Variants in DTNBP1 observed in about 807,000 individuals in gnomAD.
DTNBP1 encodes the protein dysbindin.
In DTNBP1, 35 loss-of-function variants were observed where a neutral mutation model predicts 42.8. The observed-to-expected ratio is 0.82, with a 90% CI of 0.63 to 1.09. The LOEUF (loss-of-function observed/expected upper bound fraction) is 1.09, where lower values mean the gene tolerates loss of function less well. DTNBP1 is among the 50% of genes least tolerant of loss of function. DTNBP1 has a pLI of 0.00. For missense variants in DTNBP1, 457 were observed against 424.2 expected, an observed-to-expected ratio of 1.08 and a Z score of -0.68; for synonymous variants, 171 against 162.2, an observed-to-expected ratio of 1.05 and a Z score of -0.41.
intron 4 of DTNBP1, among the ~76,000 whole-genome samples, chr6:15,633,672 T>C (rs1759825003): frequency 6.6e-6 from 1 of 152,288 alleles, no homozygotes; most frequent in African/African-American, 2.4e-5. Flanking sequence ...TACAGAGGAA[T>C]CTTTTGTGAA....
chr6:15,564,032 C>T (rs1396595123), intron 7 of DTNBP1, among the ~76,000 whole-genome samples: 1 of 151,080 alleles, frequency 6.6e-6, no homozygotes, highest in Non-Finnish European at 1.5e-5. Flanking sequence ...TGAGGTCATG[C>T]CACCGTACTC....
intron 7 of DTNBP1, among the ~76,000 whole-genome samples, chr6:15,536,313 G>A (rs1659112193): frequency 6.6e-6 from 1 of 152,248 alleles, no homozygotes; most frequent in South Asian, 2.1e-4. Flanking sequence ...TTTGGCAGCA[G>A]CCTCTCCCAT....
At chr6:15,524,137 A>G in intron 9 of DTNBP1, 2 of 1,383,692 alleles carry the variant, frequency 1.4e-6, no homozygotes, top group Non-Finnish European at 1.9e-6. Context: ...ACGCCCCTAA[A>G]TGCCTGTCGC....
intron 6 of DTNBP1, among the ~76,000 whole-genome samples, chr6:15,594,939 CAAGG>C (rs1776448478): frequency 6.6e-6 from 1 of 152,132 alleles, no homozygotes; most frequent in South Asian, 2.1e-4. Context: ...ACCATAAAAA[CAAGG>C]AATCCAGCAA....
At chr6:15,552,078 G>A (rs760739490) in intron 7 of DTNBP1, among the ~76,000 whole-genome samples, 15 of 152,186 alleles carry the variant, frequency 9.9e-5, no homozygotes, top group Non-Finnish European at 1.8e-4. Context: ...GCTACAAGGG[G>A]CTCTCAGGAA....
At chr6:15,634,244 C>T (rs966351854) in intron 4 of DTNBP1, among the ~76,000 whole-genome samples, 1 of 152,104 alleles carries the variant, frequency 6.6e-6, no homozygotes, top group African/African-American at 2.4e-5. Context: ...GTTTATTCTA[C>T]TGTTATGCAT....
At chr6:15,534,454 C>G (rs1297543319) in intron 7 of DTNBP1, among the ~76,000 whole-genome samples, 1 of 152,100 alleles carries the variant, frequency 6.6e-6, no homozygotes, top group African/African-American at 2.4e-5. Flanking sequence ...GAGTTCGAGA[C>G]CAGCCTGGCC....
At chr6:15,548,816 A>T (rs1052356774) in intron 7 of DTNBP1, among the ~76,000 whole-genome samples, 1 of 152,178 alleles carries the variant, frequency 6.6e-6, no homozygotes, top group African/African-American at 2.4e-5. Flanking sequence ...AAACAAAAAG[A>T]AAAAAGCCTG....
chr6:15,621,906 C>T (rs1232644451), intron 5 of DTNBP1, among the ~76,000 whole-genome samples: 1 of 152,200 alleles, frequency 6.6e-6, no homozygotes, highest in Non-Finnish European at 1.5e-5. Context: ...CTCCCTTCCT[C>T]TTCTGTGCTT....
intron 4 of DTNBP1, among the ~76,000 whole-genome samples, chr6:15,630,614 T>A (rs1208363968): frequency 6.6e-6 from 1 of 152,132 alleles, no homozygotes; most frequent in African/African-American, 2.4e-5. Flanking sequence ...ATCGAAACCC[T>A]TATTTAGAAA....
chr6:15,633,800 A>C (rs904436915), intron 4 of DTNBP1, among the ~76,000 whole-genome samples: 2 of 152,240 alleles, frequency 1.3e-5, no homozygotes, highest in African/African-American at 4.8e-5. Flanking sequence ...ACATTAAAAA[A>C]AAACAAACAA....
At chr6:15,549,356 G>A (rs1334651063) in intron 7 of DTNBP1, among the ~76,000 whole-genome samples, 2 of 151,820 alleles carry the variant, frequency 1.3e-5, no homozygotes, top group Non-Finnish European at 2.9e-5. Context: ...GTGGTGGCGG[G>A]TGCCTGTAAT....
chr6:15,637,619 A>T, intron 4 of DTNBP1, 125 bp downstream of exon 4: 1 of 1,029,164 alleles, frequency 9.7e-7, no homozygotes. Context: ...CAACGACTAG[A>T]TTCAATTTCA....
intron 9 of DTNBP1, chr6:15,523,515 T>TTTGG (rs1772075502): frequency 1.6e-6 from 2 of 1,274,496 alleles, no homozygotes; most frequent in Admixed American, 6.0e-5. Flanking sequence ...AGGCAAGTGC[T>TTTGG]GCCTATCTTT....
intron 7 of DTNBP1, among the ~76,000 whole-genome samples, chr6:15,581,989 G>T (rs1029159296): frequency 4.6e-5 from 7 of 152,012 alleles, no homozygotes; most frequent in African/African-American, 1.7e-4. Flanking sequence ...GCATAAATCA[G>T]CATCTTTTTT....
intron 9 of DTNBP1, 66 bp downstream of exon 9, chr6:15,524,460 T>C (rs1262050305): frequency 1.2e-6 from 2 of 1,613,986 alleles, no homozygotes; most frequent in South Asian, 2.2e-5. Context: ...TTCTCACGTC[T>C]CACCTTTGGA....
chr6:15,556,600 G>C (rs1401735251), intron 7 of DTNBP1, among the ~76,000 whole-genome samples: 2 of 152,130 alleles, frequency 1.3e-5, no homozygotes, highest in African/African-American at 2.4e-5. Flanking sequence ...AGAAACTTAA[G>C]AGCTCATGAA....
rs542663350 is a variant in DTNBP1, at chr6:15,637,161, A to G, written c.222+583T>C. On this transcript the variant is annotated intron_variant, in intron 4 of 9. Coordinates refer to ENST00000344537, the MANE Select transcript of DTNBP1 (RefSeq NM_032122.5). ...AATTACAGAAATCATTTCAGAAAAAAATAAGGTTTGATTGACATCAACAAC... is the reference window on the plus strand; with the variant it reads ...AATTACAGAAATCATTTCAGAAAAAGATAAGGTTTGATTGACATCAACAAC... Among the ~76,000 whole-genome samples, 3 of 152,348 alleles carry G rather than the reference A, an allele frequency of 2.0e-5. No homozygotes were observed. In the South Asian group the frequency reaches 6.2e-4, roughly 32 times the overall value.
At position 15,524,601 on chromosome 6, in the gene DTNBP1, TGTCCATCAG is replaced by T; in HGVS notation, c.727_735del (p.Leu243_Asp245del). ...ACGTCCAGGGCCTCCTGGTCCGATA[TGTCCATCAG>T]GTCCATCTGCTCCAGCATGTCCACG... On this transcript the variant is annotated inframe_deletion, in exon 9 of 10. Coordinates refer to ENST00000344537, the MANE Select transcript of DTNBP1 (RefSeq NM_032122.5). 6.2e-7 allele frequency: 1 copy of T among 1,613,844 alleles called. No individual in the cohort carries two copies. Among genetic ancestry groups the T allele is most frequent in the Non-Finnish European group, 8.5e-7 (1 of 1,179,884 alleles).
Sources: allele counts gnomAD v4.1 joint callset (sites outside exome capture counted in the v4.1 genomes callset), GRCh38; gene constraint gnomAD v4.1.1; transcripts MANE v1.5; gene names NCBI Gene and HGNC (gene_info 2026-07-23, HGNC 2026-07-21).